Variants in OLAH observed in about 807,000 individuals in gnomAD.
The protein encoded by OLAH is S-acyl fatty acid synthase thioesterase, medium chain.
OLAH carries 33 observed loss-of-function variants against 27.8 expected under a neutral mutation model. The ratio of observed to expected loss-of-function variants is 1.19; its 90% confidence interval spans 0.90 to 1.59. The LOEUF is 1.59. OLAH is among the 40% of genes most tolerant of loss of function. The pLI is 0.00. For synonymous variants in OLAH, 120 were observed against 102.9 expected, an observed-to-expected ratio of 1.17 and a Z score of -1.01; for missense variants, 359 against 310.8, an observed-to-expected ratio of 1.16 and a Z score of -1.17.
At chr10:15,061,944 T>A in intron 4 of OLAH, 82 bp downstream of exon 4, 1 of 1,334,020 alleles carries the variant, frequency 7.5e-7, no homozygotes, top group Non-Finnish European at 1.0e-6. Context: ...TTGTGTTTTG[T>A]AAGATGCATA....
intron 2 of OLAH, among the ~76,000 whole-genome samples, chr10:15,048,846 A>G: frequency 6.6e-6 from 1 of 152,112 alleles, no homozygotes; most frequent in Admixed American, 6.6e-5. Flanking sequence ...TTATTTTTGT[A>G]ATCCCAGCAC....
chr10:15,064,535 G>A (rs375115046), intron 5 of OLAH, 33 bp downstream of exon 5: 2 of 1,235,034 alleles, frequency 1.6e-6, no homozygotes, highest in African/African-American at 1.5e-5. Flanking sequence ...AGGAAGGGCA[G>A]TGGAGAGCAG....
chr10:15,070,975 G>T (rs999832308), intron 6 of OLAH, among the ~76,000 whole-genome samples: 6 of 151,728 alleles, frequency 4.0e-5, no homozygotes, highest in African/African-American at 1.5e-4. Context: ...GTAGAAATGG[G>T]GTCTTGCTAT....
intron 6 of OLAH, among the ~76,000 whole-genome samples, chr10:15,070,464 C>CT (rs1462102392): frequency 6.6e-6 from 1 of 152,100 alleles, no homozygotes; most frequent in Non-Finnish European, 1.5e-5. Flanking sequence ...GAACAATAGC[C>CT]TTTTTTGTTG....
chr10:15,047,492 C>G, intron 2 of OLAH, 172 bp downstream of exon 2: 1 of 640,112 alleles, frequency 1.6e-6, no homozygotes, highest in Non-Finnish European at 2.8e-6. Flanking sequence ...GTCAGGAGTT[C>G]AAGACCAGCC....
chr10:15,051,752 C>T (rs868621098), intron 3 of OLAH, among the ~76,000 whole-genome samples: 1 of 151,948 alleles, frequency 6.6e-6, no homozygotes, highest in Non-Finnish European at 1.5e-5. Context: ...CAAAACTCAC[C>T]GCCAGTCGTT....
rs186634190 is a variant in OLAH at position 15,052,731 on chromosome 10, T to C, written c.163+2966T>C. On this transcript the variant is annotated intron_variant, in intron 3 of 7. Coordinates refer to ENST00000378228, the MANE Select transcript of OLAH (RefSeq NM_001039702.3). ...GGTAATTTGTTTGGAGGGCTTTTCTTTTTTTTTTTTTTTTGGTGACAGAGT... is the reference window on the plus strand; with the variant it reads ...GGTAATTTGTTTGGAGGGCTTTTCTCTTTTTTTTTTTTTTGGTGACAGAGT... Among the ~76,000 whole-genome samples, 471 of 143,052 alleles carry C rather than the reference T, an allele frequency of 3.3e-3. 4 individuals are homozygous for C. The highest frequency in any genetic ancestry group is 0.011 in the African/African-American group (449 of 39,266). 93.8% of individuals were successfully genotyped at this position (143,052 alleles called of 152,430 possible).
At position 15,065,605 on chromosome 10, in the gene OLAH, C is replaced by G; in HGVS notation, c.424C>G (p.Pro142Ala). Residue 142 changes from proline (P) to alanine (A), a missense_variant, in exon 6 of 8, where the codon CCC (proline) becomes GCC (alanine). Transcript: ENST00000378228. ...PVHSKAWHRI[P>A]KDDELSEEQI... ...CAAGTCAAAGGCCTGGCATCGCATTCCCAAAGATGATGAATTGTCAGAAGA... is the reference window on the plus strand; with the variant it reads ...CAAGTCAAAGGCCTGGCATCGCATTGCCAAAGATGATGAATTGTCAGAAGA... 1 of 1,611,654 alleles carries G rather than the reference C, an allele frequency of 6.2e-7. No homozygotes were observed. The highest frequency in any genetic ancestry group is 1.1e-5 in the South Asian group (1 of 90,388).
chr10:15,049,246 G>T (rs1844085914), intron 2 of OLAH, among the ~76,000 whole-genome samples: 1 of 151,452 alleles, frequency 6.6e-6, no homozygotes, highest in Non-Finnish European at 1.5e-5. Context: ...AGATCCTCCT[G>T]CCTCTGCCTC....
At position 15,065,613 on chromosome 10, in the gene OLAH, T is replaced by A. The variant is rs1564534255; in HGVS notation, c.432T>A (p.Asp144Glu). ...HSKAWHRIPK[D>E]DELSEEQISH... ...AGGCCTGGCATCGCATTCCCAAAGA[T>A]GATGAATTGTCAGAAGAACAAATAA... The change falls in exon 6 of 8, where the codon GAT becomes GAA. Residue 144 changes from aspartate (D) to glutamate (E), a missense_variant. Transcript: ENST00000378228. 3 of 1,612,322 alleles carry A rather than the reference T, an allele frequency of 1.9e-6. No homozygotes were observed. The highest frequency in any genetic ancestry group is 2.5e-6 in the Non-Finnish European group (3 of 1,179,590).
At chr10:15,034,687 G>T (rs1843813264) in intron 1 of OLAH, among the ~76,000 whole-genome samples, 1 of 152,194 alleles carries the variant, frequency 6.6e-6, no homozygotes, top group African/African-American at 2.4e-5. Flanking sequence ...TATGGTCTTG[G>T]GAGCTCACGG....
At chr10:15,066,983 C>T (rs1844481408) in intron 6 of OLAH, among the ~76,000 whole-genome samples, 1 of 152,156 alleles carries the variant, frequency 6.6e-6, no homozygotes, top group Non-Finnish European at 1.5e-5. Context: ...TGTGACTACA[C>T]ATGTGTATTT....
chr10:15,053,947 C>A (rs1021482745), intron 3 of OLAH, among the ~76,000 whole-genome samples: 2 of 151,618 alleles, frequency 1.3e-5, no homozygotes, highest in African/African-American at 4.9e-5. Flanking sequence ...GTTGTCTAGG[C>A]TGGTATTGTA....
intron 1 of OLAH, among the ~76,000 whole-genome samples, chr10:15,037,922 C>T (rs978888911): frequency 2.6e-5 from 4 of 152,234 alleles, no homozygotes; most frequent in African/African-American, 7.2e-5. Context: ...AGGCCAGGAA[C>T]GCTGCCTGGA....
Position 15,065,507 on chromosome 10 carries a change from T to C in OLAH, c.403-77T>C, listed in dbSNP as rs529797150. On this transcript the variant is annotated intron_variant, in intron 5 of 7. Coordinates refer to ENST00000378228, the MANE Select transcript of OLAH (RefSeq NM_001039702.3). Reference sequence around the variant, plus strand: ...AGCCTTGGTTTAATGACTTTTCCCTTAGATCAACAGTTTTCAGTTTATGAG... The same window carrying C: ...AGCCTTGGTTTAATGACTTTTCCCTCAGATCAACAGTTTTCAGTTTATGAG... 8.7e-5 allele frequency: 126 copies of C among 1,455,678 alleles called. 1 individual carries two copies. The East Asian group carries it at 1.8e-3, about 21-fold the overall frequency. 90.2% of individuals were successfully genotyped at this position (1,455,678 alleles called of 1,614,324 possible).
intron 3 of OLAH, among the ~76,000 whole-genome samples, chr10:15,053,086 A>G (rs1290025488): frequency 2.0e-5 from 3 of 152,074 alleles, no homozygotes; most frequent in Non-Finnish European, 4.4e-5. Context: ...CTATGGGTCA[A>G]GTTTCTCAAG....
At chr10:15,054,977 A>T (rs1036249138) in intron 3 of OLAH, among the ~76,000 whole-genome samples, 43 of 151,348 alleles carry the variant, frequency 2.8e-4, no homozygotes, top group African/African-American at 1.0e-3. Context: ...TGTTTTGTTT[A>T]TTATTGAGAC....
At chr10:15,053,624 G>A (rs1589244099) in intron 3 of OLAH, among the ~76,000 whole-genome samples, 1 of 152,140 alleles carries the variant, frequency 6.6e-6, no homozygotes, top group South Asian at 2.1e-4. Flanking sequence ...CAAGTCAAAG[G>A]TCAAACAGGG....
At chr10:15,033,174 A>C (rs1222299480) in intron 1 of OLAH, among the ~76,000 whole-genome samples, 2 of 152,016 alleles carry the variant, frequency 1.3e-5, no homozygotes, top group African/African-American at 4.8e-5. Flanking sequence ...GCTGCAGCCT[A>C]CCAGTGAAAA....
Sources: allele counts gnomAD v4.1 joint callset (sites outside exome capture counted in the v4.1 genomes callset), GRCh38; gene constraint gnomAD v4.1.1; transcripts MANE v1.5; gene names NCBI Gene and HGNC (gene_info 2026-07-23, HGNC 2026-07-21).